CDH4: variants seen among roughly 807,000 people sequenced by gnomAD.
CDH4 encodes cadherin 4, also known as cadherin-4.
A neutral mutation model predicts 86.0 loss-of-function variants in CDH4; 33 were observed. The observed-to-expected ratio is 0.38, with a 90% CI of 0.29 to 0.51. The LOEUF is 0.51. Among genes scored for constraint, CDH4 ranks in the 20% least tolerant of loss-of-function variants. The pLI, the probability that CDH4 is intolerant of heterozygous loss-of-function variation, is 0.86. For missense variants in CDH4, 1,114 were observed against 1,307.4 expected, an observed-to-expected ratio of 0.85 and a Z score of 2.28; for synonymous variants, 555 against 549.4, an observed-to-expected ratio of 1.01 and a Z score of -0.14.
At chr20:61,718,572 C>A in intron 2 of CDH4, 3 of 345,012 alleles carry the variant, frequency 8.7e-6, no homozygotes, top group South Asian at 6.9e-5. Flanking sequence ...CCAAGCACCA[C>A]CTGCACAGGC....
chr20:61,351,602 T>A (rs1390047947), intron 2 of CDH4, among the ~76,000 whole-genome samples: 1 of 152,234 alleles, frequency 6.6e-6, no homozygotes, highest in African/African-American at 2.4e-5. Context: ...GATGTTTTGA[T>A]ACAGGCGTAG....
At chr20:61,486,403 C>A (rs930376838) in intron 2 of CDH4, among the ~76,000 whole-genome samples, 2 of 152,234 alleles carry the variant, frequency 1.3e-5, no homozygotes, top group African/African-American at 4.8e-5. Context: ...CCCCGTGGGG[C>A]CCTACCCTGT....
chr20:61,299,351 T>G (rs1407726284), intron 2 of CDH4, among the ~76,000 whole-genome samples: 1 of 152,124 alleles, frequency 6.6e-6, no homozygotes, highest in Admixed American at 6.5e-5. Context: ...CTGCAGACAC[T>G]CTGATCTCCG....
chr20:61,313,248 A>G (rs1164498698), intron 2 of CDH4, among the ~76,000 whole-genome samples: 1 of 152,178 alleles, frequency 6.6e-6, no homozygotes, highest in African/African-American at 2.4e-5. Context: ...GGAGTGGTTC[A>G]GCATGCTTCA....
rs1462734383 is a variant in CDH4, at chr20:61,771,036, G to A, written c.397-1967G>A. 2.5e-3 allele frequency among the ~76,000 whole-genome samples: 330 copies of A among 133,628 alleles called. 2 individuals carry two copies. The highest frequency in any genetic ancestry group is 9.1e-3 in the African/African-American group (327 of 35,958). The allele number at this position is 133,628 out of a possible 152,430, so 87.7% of individuals were successfully genotyped here. On this transcript the variant is annotated intron_variant, in intron 3 of 15. Transcript: ENST00000614565. The stretch of plus-strand genomic sequence containing the variant: ...TTTTTTTTTTTTTTTTTGAGACAGA[G>A]TTTCGCTCTTTTTCCCCAGGCTGGA...
intron 2 of CDH4, among the ~76,000 whole-genome samples, chr20:61,546,006 A>G (rs371833853): frequency 0.012 from 97 of 7,910 alleles, no homozygotes; most frequent in African/African-American, 0.017. Flanking sequence ...GCATGTGTGG[A>G]GGGGGTATGT....
At chr20:61,262,850 C>T (rs1168156073) in intron 2 of CDH4, among the ~76,000 whole-genome samples, 2 of 149,034 alleles carry the variant, frequency 1.3e-5, no homozygotes, top group African/African-American at 5.0e-5. Context: ...CCCTCCCTCC[C>T]TCCCTTCCTT....
intron 2 of CDH4, among the ~76,000 whole-genome samples, chr20:61,664,427 C>T (rs1195015734): frequency 6.6e-6 from 1 of 152,198 alleles, no homozygotes; most frequent in Non-Finnish European, 1.5e-5. Flanking sequence ...GAGCTGGTCC[C>T]CACTCCTGTG....
Position 61,279,901 on chromosome 20 carries a change from C to T in CDH4, c.169+24964C>T, listed in dbSNP as rs73915254. ...TGTGAGCCTGCCCTGCTTGAAGATA[C>T]GGATACTCGGAGGGAAAGGGGACAT... On this transcript the variant is annotated intron_variant, in intron 2 of 15. Transcript: ENST00000614565. Among the ~76,000 whole-genome samples, 796 of 152,182 alleles carry T rather than the reference C, an allele frequency of 5.2e-3. 7 individuals carry two copies. Among genetic ancestry groups the T allele is most frequent in the African/African-American group, 0.018 (738 of 41,500 alleles).
At chr20:61,916,743 G>A (rs887957323) in intron 9 of CDH4, among the ~76,000 whole-genome samples, 3 of 152,234 alleles carry the variant, frequency 2.0e-5, no homozygotes, top group Non-Finnish European at 4.4e-5. Flanking sequence ...GTAGTTTATA[G>A]TCTGCAGAGG....
At chr20:61,291,793 A>G (rs1294915964) in intron 2 of CDH4, among the ~76,000 whole-genome samples, 1 of 152,052 alleles carries the variant, frequency 6.6e-6, no homozygotes, top group Non-Finnish European at 1.5e-5. Context: ...GGTTTGTCAC[A>G]CAGGTTAACA....
At chr20:61,283,677 TG>T (rs2084277428) in intron 2 of CDH4, among the ~76,000 whole-genome samples, 3 of 152,234 alleles carry the variant, frequency 2.0e-5, no homozygotes, top group Admixed American at 2.0e-4. Context: ...GCTCTCCTCC[TG>T]GGACTGATGC....
chr20:61,610,193 C>T (rs2086674282), intron 2 of CDH4, among the ~76,000 whole-genome samples: 1 of 152,186 alleles, frequency 6.6e-6, no homozygotes, highest in Non-Finnish European at 1.5e-5. Context: ...CACCATTCTA[C>T]CCTCTACCTC....
In CDH4 at chr20:61,807,539, G is replaced by A. The variant is rs1980201612; in HGVS notation, c.576+34357G>A. Among the ~76,000 whole-genome samples the A allele has an allele frequency of 6.6e-6, 1 of 152,224 alleles. No homozygotes were observed. The highest frequency in any genetic ancestry group is 2.1e-4 in the South Asian group (1 of 4,828). ...TGCAGCCCTTTCTCCCCGTCAAGGT[G>A]CAGCTGTGTCCACCATCAGCGAGGG... On this transcript the variant is annotated intron_variant, in intron 4 of 15. Transcript: ENST00000614565. This position sits in a 1 kb window ranked among gnomAD's most constrained non-coding sequence, Gnocchi z 4.5.
intron 8 of CDH4, among the ~76,000 whole-genome samples, chr20:61,908,744 C>T (rs1176256728): frequency 6.6e-6 from 1 of 152,190 alleles, no homozygotes; most frequent in Non-Finnish European, 1.5e-5. Context: ...AAGACTCTTT[C>T]TTACCGAAGG....
intron 2 of CDH4, among the ~76,000 whole-genome samples, chr20:61,650,676 C>T (rs1190458016): frequency 2.0e-5 from 3 of 152,162 alleles, no homozygotes; most frequent in Admixed American, 2.0e-4. Flanking sequence ...ATAGATGATC[C>T]ACCCATATAC....
intron 2 of CDH4, among the ~76,000 whole-genome samples, chr20:61,313,295 G>A (rs1600857825): frequency 1.3e-5 from 2 of 152,196 alleles, no homozygotes; most frequent in African/African-American, 2.4e-5. Context: ...GGAAGAGCCC[G>A]GAGACCCAGA....
intron 2 of CDH4, among the ~76,000 whole-genome samples, chr20:61,358,802 C>CG (rs1001899584): frequency 6.6e-5 from 10 of 152,122 alleles, no homozygotes; most frequent in African/African-American, 1.2e-4. Context: ...CGCTTTAATG[C>CG]GGGGGGGAAG....
At chr20:61,338,392 T>C (rs1271411963) in intron 2 of CDH4, among the ~76,000 whole-genome samples, 1 of 152,150 alleles carries the variant, frequency 6.6e-6, no homozygotes, top group East Asian at 1.9e-4. Context: ...AATTGAGTAG[T>C]TGTACATAAG....
Sources: gnomAD v4.1 joint callset for allele counts (sites outside exome capture counted in the v4.1 genomes callset) on GRCh38, gnomAD v4.1.1 for gene constraint, Gnocchi (gnomAD v3.1) non-coding constraint, MANE v1.5 for transcripts, NCBI Gene and HGNC (gene_info 2026-07-23, HGNC 2026-07-21) for gene names.